CDK14: variants seen among roughly 807,000 people sequenced by gnomAD.
The protein encoded by CDK14 is cyclin-dependent kinase 14.
In CDK14, 34 loss-of-function variants were observed where a neutral mutation model predicts 60.7. The ratio of observed to expected loss-of-function variants is 0.56; its 90% CI spans 0.43 to 0.75. The LOEUF (loss-of-function observed/expected upper bound fraction) is 0.75. Among genes scored for constraint, CDK14 ranks in the 30% least tolerant of loss-of-function variants. The pLI is 0.00. For missense variants in CDK14, 482 were observed against 564.1 expected (o/e 0.85, Z 1.47); for synonymous variants, 197 against 203.7 (o/e 0.97, Z 0.28).
chr7:90,916,652 T>C (rs1793093407), intron 7 of CDK14, among the ~76,000 whole-genome samples: 1 of 152,216 alleles, frequency 6.6e-6, no homozygotes, highest in Non-Finnish European at 1.5e-5. Context: ...ACTGGTTATA[T>C]AGACTAGAAT....
chr7:90,714,784 T>C (rs943938476), intron 2 of CDK14, among the ~76,000 whole-genome samples: 2 of 152,112 alleles, frequency 1.3e-5, no homozygotes, highest in African/African-American at 4.8e-5. Flanking sequence ...TTTTAAACTT[T>C]ATAACATCAT....
At chr7:91,004,427 G>C (rs1210364862) in intron 10 of CDK14, among the ~76,000 whole-genome samples, 1 of 152,196 alleles carries the variant, frequency 6.6e-6, no homozygotes, top group East Asian at 1.9e-4. Context: ...CTTATTTGAG[G>C]AGGTACAAGT....
At chr7:91,020,858 T>A (rs1248745168) in intron 10 of CDK14, among the ~76,000 whole-genome samples, 1 of 152,146 alleles carries the variant, frequency 6.6e-6, no homozygotes, top group Admixed American at 6.5e-5. Flanking sequence ...ACAGCGTGGG[T>A]GTTGGCTGGA....
intron 2 of CDK14, among the ~76,000 whole-genome samples, chr7:90,642,533 T>A (rs547636171): frequency 6.7e-4 from 102 of 152,176 alleles, no homozygotes; most frequent in African/African-American, 2.1e-3. Flanking sequence ...AGTTTTTTTT[T>A]AATTAAATTT....
chr7:91,088,663 CATT>C (rs1798712241), intron 12 of CDK14, among the ~76,000 whole-genome samples: 1 of 151,752 alleles, frequency 6.6e-6, no homozygotes, highest in South Asian at 2.1e-4. Context: ...TTCTGGCCCT[CATT>C]ATATTGTTAT....
chr7:91,015,925 T>C (rs769670609), intron 10 of CDK14, among the ~76,000 whole-genome samples: 1 of 152,134 alleles, frequency 6.6e-6, no homozygotes, highest in Non-Finnish European at 1.5e-5. Context: ...TTGATTGGGA[T>C]TTTGGGGTTG....
At chr7:91,149,730 T>G (rs573592925) in intron 14 of CDK14, among the ~76,000 whole-genome samples, 3 of 152,282 alleles carry the variant, frequency 2.0e-5, no homozygotes, top group African/African-American at 7.2e-5. Context: ...CTCTAAACTG[T>G]TTTATGTGAA....
At chr7:90,693,288 A>G (rs1801593212) in intron 2 of CDK14, among the ~76,000 whole-genome samples, 1 of 152,196 alleles carries the variant, frequency 6.6e-6, no homozygotes, top group African/African-American at 2.4e-5. Context: ...TTTATTGAAC[A>G]GAAGTTGTAT....
chr7:90,850,085 A>G (rs899124993), intron 5 of CDK14, among the ~76,000 whole-genome samples: 1 of 152,032 alleles, frequency 6.6e-6, no homozygotes, highest in African/African-American at 2.4e-5. Context: ...ATGACATCCT[A>G]TAGGATATTT....
chr7:90,757,651 C>T (rs1175208235), intron 4 of CDK14, among the ~76,000 whole-genome samples: 2 of 150,398 alleles, frequency 1.3e-5, no homozygotes, highest in Non-Finnish European at 2.9e-5. Flanking sequence ...GGCTGGAGTG[C>T]GGTGGTGCAT....
At chr7:90,645,403 T>C (rs949068914) in intron 2 of CDK14, among the ~76,000 whole-genome samples, 1 of 152,184 alleles carries the variant, frequency 6.6e-6, no homozygotes, top group Non-Finnish European at 1.5e-5. Flanking sequence ...CTAAAGAGAC[T>C]TGTTAGTTTT....
At chr7:90,899,012 A>G (rs1359571458) in intron 6 of CDK14, among the ~76,000 whole-genome samples, 1 of 151,968 alleles carries the variant, frequency 6.6e-6, no homozygotes, top group Non-Finnish European at 1.5e-5. Flanking sequence ...GATATATTCA[A>G]TGGAAAGGAA....
chr7:90,964,340 GGA>G (rs1227999104), intron 9 of CDK14, among the ~76,000 whole-genome samples: 1 of 152,120 alleles, frequency 6.6e-6, no homozygotes, highest in Admixed American at 6.5e-5. Flanking sequence ...GCTTTATAAA[GGA>G]GAGTCATTGT....
intron 2 of CDK14, among the ~76,000 whole-genome samples, chr7:90,696,339 T>TTA (rs66902872): frequency 1.7e-5 from 1 of 59,644 alleles, no homozygotes. Flanking sequence ...TCTTCTTCTT[T>TTA]TTTTTTTTTT....
At chr7:90,777,892 A>C (rs1805117063) in intron 4 of CDK14, among the ~76,000 whole-genome samples, 1 of 152,122 alleles carries the variant, frequency 6.6e-6, no homozygotes, top group Non-Finnish European at 1.5e-5. Flanking sequence ...AACCATTTGC[A>C]AGTATCATGT....
chr7:90,664,591 A>G (rs534527331), intron 2 of CDK14, among the ~76,000 whole-genome samples: 2 of 152,300 alleles, frequency 1.3e-5, no homozygotes, highest in Admixed American at 6.5e-5. Context: ...CATATACACC[A>G]TGGAATACTA....
At chr7:91,022,001 C>T (rs1584239285) in intron 10 of CDK14, among the ~76,000 whole-genome samples, 1 of 152,098 alleles carries the variant, frequency 6.6e-6, no homozygotes, top group African/African-American at 2.4e-5. Context: ...CCACAGAAGC[C>T]CACAAAGAGG....
At chr7:90,730,345 A>G (rs747514191) in intron 3 of CDK14, among the ~76,000 whole-genome samples, 1 of 152,164 alleles carries the variant, frequency 6.6e-6, no homozygotes, top group Admixed American at 6.5e-5. Flanking sequence ...TAGCAGAATG[A>G]TTTACAATCC....
intron 5 of CDK14, among the ~76,000 whole-genome samples, chr7:90,849,279 A>G (rs916086070): frequency 4.7e-5 from 7 of 150,250 alleles, no homozygotes; most frequent in Non-Finnish European, 1.0e-4. Context: ...CTCGCTCTTC[A>G]CCTCCTGCCA....
Sources: allele counts gnomAD v4.1 joint callset (sites outside exome capture counted in the v4.1 genomes callset), GRCh38; gene constraint gnomAD v4.1.1; transcripts MANE v1.5; gene names NCBI Gene and HGNC (gene_info 2026-07-23, HGNC 2026-07-21).